SMARCB1: variants seen among roughly 807,000 people sequenced by gnomAD.
SMARCB1 encodes SWI/SNF related BAF chromatin remodeling complex subunit B1.
A neutral mutation model predicts 49.0 loss-of-function variants in SMARCB1; 5 were observed. The observed-to-expected ratio is 0.10, with a 90% CI of 0.05 to 0.21. The LOEUF is 0.21. Among genes scored for constraint, SMARCB1 ranks in the 10% least tolerant of loss-of-function variants. The pLI is 1.00. For synonymous variants in SMARCB1, 201 were observed against 200.1 expected, an observed-to-expected ratio of 1.00 and a Z score of -0.04; for missense variants, 226 against 509.2, an observed-to-expected ratio of 0.44 and a Z score of 5.35.
intron 5 of SMARCB1, among the ~76,000 whole-genome samples, chr22:23,813,745 CA>C (rs1438070440): frequency 1.3e-5 from 2 of 152,084 alleles, no homozygotes. Context: ...AAAATCCCAG[CA>C]AGATTTTTTT....
At chr22:23,802,914 C>CCATT in intron 4 of SMARCB1, 1 of 364,342 alleles carries the variant, frequency 2.7e-6, no homozygotes, top group Non-Finnish European at 5.4e-6. Flanking sequence ...AGCAGTTCCT[C>CCATT]CATTCACCTG....
intron 3 of SMARCB1, among the ~76,000 whole-genome samples, chr22:23,799,517 T>G (rs1428521724): frequency 6.9e-6 from 1 of 144,932 alleles, no homozygotes; most frequent in Non-Finnish European, 1.5e-5. Flanking sequence ...TTTTGGTTTT[T>G]TTTTTTTTTT....
At chr22:23,798,113 A>G (rs1928894800) in intron 3 of SMARCB1, among the ~76,000 whole-genome samples, 3 of 152,180 alleles carry the variant, frequency 2.0e-5, no homozygotes, top group Non-Finnish European at 2.9e-5. Flanking sequence ...ATCCAGTCAG[A>G]AAAGAGGAGG....
At chr22:23,801,469 A>C (rs1192416022) in intron 4 of SMARCB1, 1 of 501,820 alleles carries the variant, frequency 2.0e-6, no homozygotes, top group East Asian at 4.4e-5. Context: ...AAACCACCAC[A>C]AACTGGTGGC....
At chr22:23,811,841 T>C (rs898150465) in intron 5 of SMARCB1, among the ~76,000 whole-genome samples, 23 of 152,102 alleles carry the variant, frequency 1.5e-4, no homozygotes, top group African/African-American at 5.6e-4. Context: ...AGAGCAGAAA[T>C]CAATGACATT....
rs60177639 is a variant in SMARCB1 at position 23,804,594 on chromosome 22, A to T, written c.628+1172A>T. On this transcript the variant is annotated intron_variant, in intron 5 of 8. Coordinates refer to ENST00000644036, the MANE Select transcript of SMARCB1 (RefSeq NM_003073.5). ...AGTCTCACTCTGTCGCCCAGGCTGG[A>T]GTGCGGTGGCACGATCTCGGCTCAC... Among the ~76,000 whole-genome samples, 662 of 152,210 alleles carry T rather than the reference A, an allele frequency of 4.3e-3. 2 individuals are homozygous for T. Among genetic ancestry groups the T allele is most frequent in the Middle Eastern group, 0.024 (7 of 294 alleles).
intron 6 of SMARCB1, among the ~76,000 whole-genome samples, chr22:23,820,946 C>T (rs1054460158): frequency 2.6e-5 from 4 of 152,240 alleles, no homozygotes; most frequent in African/African-American, 9.6e-5. Flanking sequence ...GGATTGGCCA[C>T]ACAAGGGGCC....
chr22:23,828,829 A>G (rs2030514254), intron 7 of SMARCB1, among the ~76,000 whole-genome samples: 1 of 152,208 alleles, frequency 6.6e-6, no homozygotes, highest in South Asian at 2.1e-4. Flanking sequence ...TGCTGGCCAC[A>G]GGACATGTGT....
intron 5 of SMARCB1, among the ~76,000 whole-genome samples, chr22:23,814,831 A>G (rs1386529982): frequency 2.1e-4 from 31 of 145,112 alleles, no homozygotes; most frequent in East Asian, 8.5e-4. Flanking sequence ...TTAGCCGGGC[A>G]TGGTGGCGCA....
chr22:23,830,203 T>A (rs1166477355), intron 7 of SMARCB1, among the ~76,000 whole-genome samples: 1 of 152,244 alleles, frequency 6.6e-6, no homozygotes, highest in Non-Finnish European at 1.5e-5. Context: ...ACGTGACAAC[T>A]CAGTGGTTAG....
chr22:23,791,314 G>C (rs550969457), intron 1 of SMARCB1, among the ~76,000 whole-genome samples: 2 of 152,186 alleles, frequency 1.3e-5, no homozygotes, highest in East Asian at 3.8e-4. Flanking sequence ...AGCAACACAG[G>C]CCATGGGGGA....
intron 3 of SMARCB1, among the ~76,000 whole-genome samples, chr22:23,797,357 G>A (rs1928831476): frequency 6.7e-6 from 1 of 150,126 alleles, no homozygotes; most frequent in South Asian, 2.1e-4. Context: ...CGCCCAGGCT[G>A]GAGTGCAGTG....
rs5760021 is a variant in SMARCB1, at chr22:23,792,115, T to C, written c.232+221T>C. Reference sequence around the variant, plus strand: ...TTATTTCCAGCAGGGCCATTGGGTATGTGAGCGGGCCGGGGCCAGGACACT... The same window carrying C: ...TTATTTCCAGCAGGGCCATTGGGTACGTGAGCGGGCCGGGGCCAGGACACT... On this transcript the variant is annotated intron_variant, in intron 2 of 8. Transcript: ENST00000644036. The C allele has an allele frequency of 0.91, 529,695 of 584,178 alleles. 241,426 individuals carry two copies. Among genetic ancestry groups the C allele is most frequent in the African/African-American group, 0.95 (51,464 of 54,094 alleles). 36.2% of individuals were successfully genotyped at this position (584,178 alleles called of 1,614,324 possible).
chr22:23,817,952 A>G (rs8135947), intron 6 of SMARCB1: 18,801 of 151,666 alleles, frequency 0.12, 1,258 homozygotes, highest in South Asian at 0.27. Flanking sequence ...CAGCCTCCTG[A>G]GTAGCTAGGA....
chr22:23,833,881 C>T lies in SMARCB1; in HGVS notation c.1118+178C>T, dbSNP rs563659977. 5.9e-5 allele frequency among the ~76,000 whole-genome samples: 9 copies of T among 152,352 alleles called. No homozygotes were observed. The South Asian group carries it at 1.9e-3, about 32-fold the overall frequency. ...CCATCCAAACGCCAGGGTATGTTTCCCTGCATGGAACAAACATAATTCCTC... is the reference window on the plus strand; with the variant it reads ...CCATCCAAACGCCAGGGTATGTTTCTCTGCATGGAACAAACATAATTCCTC... On this transcript the variant is annotated intron_variant, in intron 8 of 8. Transcript: ENST00000644036.
At chr22:23,807,831 G>C (rs1929593988) in intron 5 of SMARCB1, among the ~76,000 whole-genome samples, 1 of 132,044 alleles carries the variant, frequency 7.6e-6, no homozygotes, top group African/African-American at 2.8e-5. Flanking sequence ...GTCTTGCTCT[G>C]TCGCCCAGGC....
rs749275835 is a variant in SMARCB1, at chr22:23,801,154, C to T, written c.500+73C>T. The T allele has an allele frequency of 1.9e-6, 3 of 1,611,246 alleles. No individual in the cohort carries two copies. The African/African-American group carries it at 4.0e-5, about 22-fold the overall frequency. On this transcript the variant is annotated intron_variant, in intron 4 of 8. Coordinates refer to ENST00000644036, the MANE Select transcript of SMARCB1 (RefSeq NM_003073.5). ...TTCTCCAGCACGTTTCAGTTCCTTC[C>T]TCCCCAGAAAAACACTCTGCTTTGA... is the stretch of plus-strand genomic sequence containing the variant.
chr22:23,817,223 G>A, intron 6 of SMARCB1: 1 of 534,548 alleles, frequency 1.9e-6, no homozygotes, highest in Non-Finnish European at 3.4e-6. Context: ...GCAGCTGATT[G>A]GCTGGGCCAG....
chr22:23,811,155 A>G (rs1929849376), intron 5 of SMARCB1, among the ~76,000 whole-genome samples: 2 of 152,252 alleles, frequency 1.3e-5, no homozygotes, highest in Admixed American at 1.3e-4. Context: ...AGAGAAGGAC[A>G]TTAAATAATG....
Sources: allele counts gnomAD v4.1 joint callset (sites outside exome capture counted in the v4.1 genomes callset), GRCh38; gene constraint gnomAD v4.1.1; transcripts MANE v1.5; gene names NCBI Gene and HGNC (gene_info 2026-07-23, HGNC 2026-07-21).